NALCN: variants seen among roughly 807,000 people sequenced by gnomAD.
NALCN encodes the protein sodium leak channel, non-selective.
NALCN carries 111 observed loss-of-function variants against 225.3 expected under a neutral mutation model. The observed-to-expected ratio is 0.49, with a 90% CI of 0.42 to 0.58. NALCN has a LOEUF of 0.58. NALCN is among the 20% of genes least tolerant of loss of function. NALCN has a pLI of 0.00. For synonymous variants in NALCN, 764 were observed against 769.0 expected (o/e 0.99, Z 0.11); for missense variants, 1,378 against 2,202.4 (o/e 0.63, Z 7.49).
At chr13:101,074,268 A>C (rs1286337071) in intron 36 of NALCN, among the ~76,000 whole-genome samples, 1 of 152,168 alleles carries the variant, frequency 6.6e-6, no homozygotes, top group East Asian at 1.9e-4. Context: ...GTGGAATTAT[A>C]GATTCTTTTT....
chr13:101,075,845 A>G (rs758639730), intron 35 of NALCN, 28 bp downstream of exon 35: 1 of 1,579,264 alleles, frequency 6.3e-7, no homozygotes, highest in South Asian at 1.2e-5. Context: ...TATGACCTTT[A>G]AGATAAGATT....
chr13:101,387,350 A>G (rs564671733), intron 3 of NALCN, among the ~76,000 whole-genome samples: 1 of 152,288 alleles, frequency 6.6e-6, no homozygotes, highest in East Asian at 1.9e-4. Flanking sequence ...TGCTCACTCA[A>G]TAACTAAATT....
Position 101,164,588 on chromosome 13 carries a change from CTGT to C in NALCN, c.1839+11709_1839+11711del. On this transcript the variant is annotated intron_variant, in intron 15 of 43. Transcript: ENST00000251127. ...TTTGAATGACTTCTAGATTCCTAGG[CTGT>C]TGTTTTTATGTTGATAATTGATATT... Among the ~76,000 whole-genome samples, 3 of 152,226 alleles carry C rather than the reference CTGT, an allele frequency of 2.0e-5. No homozygotes were observed. In the Middle Eastern group the frequency reaches 0.01, roughly 518 times the overall value.
At chr13:101,076,178 C>A (rs1339877077) in intron 34 of NALCN, among the ~76,000 whole-genome samples, 1 of 152,154 alleles carries the variant, frequency 6.6e-6, no homozygotes, top group Admixed American at 6.6e-5. Flanking sequence ...CAGCTAAATT[C>A]TGTATTTTGA....
At chr13:101,361,498 A>G in intron 6 of NALCN, among the ~76,000 whole-genome samples, 1 of 152,180 alleles carries the variant, frequency 6.6e-6, no homozygotes, top group African/African-American at 2.4e-5. Flanking sequence ...TTATTCAAAC[A>G]TTTTGGACAC....
At chr13:101,081,877 T>C (rs906771491) in intron 33 of NALCN, among the ~76,000 whole-genome samples, 2 of 152,116 alleles carry the variant, frequency 1.3e-5, no homozygotes, top group African/African-American at 4.8e-5. Flanking sequence ...GTCTGTCTAT[T>C]TATTTATTAT....
intron 7 of NALCN, among the ~76,000 whole-genome samples, chr13:101,303,218 A>G (rs1201170245): frequency 3.3e-5 from 5 of 152,210 alleles, no homozygotes; most frequent in African/African-American, 1.2e-4. Flanking sequence ...CTTCGTTTTG[A>G]TTTAAGATAT....
intron 17 of NALCN, among the ~76,000 whole-genome samples, chr13:101,142,136 G>A (rs1305596328): frequency 9.9e-6 from 1 of 101,072 alleles, no homozygotes; most frequent in African/African-American, 3.9e-5. Context: ...TACATTCTAT[G>A]TCTTTTTTTT....
At chr13:101,283,167 G>A (rs532402835) in intron 10 of NALCN, among the ~76,000 whole-genome samples, 2 of 152,084 alleles carry the variant, frequency 1.3e-5, no homozygotes, top group Non-Finnish European at 2.9e-5. Context: ...AAATGAAAGT[G>A]AAAATATTAT....
chr13:101,367,563 C>G (rs2046412311), intron 6 of NALCN, among the ~76,000 whole-genome samples: 1 of 151,944 alleles, frequency 6.6e-6, no homozygotes, highest in African/African-American at 2.4e-5. Context: ...GGTCTTAAAG[C>G]TTTTATGCTT....
At chr13:101,361,161 A>G (rs1409571574) in intron 6 of NALCN, among the ~76,000 whole-genome samples, 2 of 152,116 alleles carry the variant, frequency 1.3e-5, no homozygotes, top group African/African-American at 4.8e-5. Flanking sequence ...TAATTTTCAA[A>G]ATTTACTCTT....
At chr13:101,394,763 T>C (rs1166546844) in intron 3 of NALCN, among the ~76,000 whole-genome samples, 1 of 152,114 alleles carries the variant, frequency 6.6e-6, no homozygotes, top group East Asian at 1.9e-4. Flanking sequence ...ATCAAGTAAA[T>C]GACATCGTGC....
intron 17 of NALCN, among the ~76,000 whole-genome samples, chr13:101,129,612 A>G (rs2036413722): frequency 6.6e-6 from 1 of 152,192 alleles, no homozygotes; most frequent in Non-Finnish European, 1.5e-5. Context: ...TTTCAAGAAC[A>G]TATCTAGAGC....
At chr13:101,312,385 T>C (rs2044379013) in intron 7 of NALCN, among the ~76,000 whole-genome samples, 2 of 152,294 alleles carry the variant, frequency 1.3e-5, no homozygotes, top group African/African-American at 4.8e-5. Context: ...ATTTTAGCTA[T>C]TTCTTGCCTT....
intron 6 of NALCN, among the ~76,000 whole-genome samples, chr13:101,364,714 C>G (rs186197366): frequency 6.6e-6 from 1 of 152,172 alleles, no homozygotes; most frequent in East Asian, 1.9e-4. Flanking sequence ...TTACATATTT[C>G]AAAATAGCTA....
intron 18 of NALCN, among the ~76,000 whole-genome samples, chr13:101,118,676 C>T (rs2035830931): frequency 6.6e-6 from 1 of 152,100 alleles, no homozygotes; most frequent in Non-Finnish European, 1.5e-5. Context: ...CATAGAATTG[C>T]AAAGATAAAT....
intron 15 of NALCN, among the ~76,000 whole-genome samples, chr13:101,148,590 C>T (rs2037474416): frequency 6.6e-6 from 1 of 152,194 alleles, no homozygotes; most frequent in South Asian, 2.1e-4. Flanking sequence ...TTGTGTGACC[C>T]CTTGCACAAC....
At chr13:101,407,616 T>G (rs1490093681) in intron 1 of NALCN, among the ~76,000 whole-genome samples, 4 of 152,230 alleles carry the variant, frequency 2.6e-5, no homozygotes, top group African/African-American at 9.6e-5. Context: ...GACACCTCTC[T>G]GAAGTAGTTT....
intron 13 of NALCN, among the ~76,000 whole-genome samples, chr13:101,197,456 T>C (rs1161283378): frequency 6.6e-6 from 1 of 152,196 alleles, no homozygotes; most frequent in African/African-American, 2.4e-5. Context: ...TTAGGTTTTA[T>C]TAGCAGGGGA....
Sources: allele counts gnomAD v4.1 joint callset (sites outside exome capture counted in the v4.1 genomes callset), GRCh38; gene constraint gnomAD v4.1.1; transcripts MANE v1.5; gene names NCBI Gene and HGNC (gene_info 2026-07-23, HGNC 2026-07-21).